TRIM44: variants seen among roughly 807,000 people sequenced by gnomAD.
The protein encoded by TRIM44 is tripartite motif-containing protein 44.
TRIM44 carries 13 observed loss-of-function variants against 37.4 expected under a neutral mutation model. The observed-to-expected ratio is 0.35, with a 90% CI of 0.23 to 0.55. The LOEUF (loss-of-function observed/expected upper bound fraction) is 0.55. Ranked by LOEUF, TRIM44 falls within the 20% of genes least tolerant of loss-of-function variation. The probability of loss-of-function intolerance (pLI) is 0.89; values close to 1 mark genes in which losing one functional copy is unlikely to be tolerated. For missense variants in TRIM44, 426 were observed against 437.2 expected (o/e 0.97, Z 0.23); for synonymous variants, 175 against 157.2 (o/e 1.11, Z -0.85).
At chr11:35,730,524 A>G (rs546592298) in intron 3 of TRIM44, among the ~76,000 whole-genome samples, 17 of 152,354 alleles carry the variant, frequency 1.1e-4, no homozygotes, top group Admixed American at 3.9e-4. Flanking sequence ...TAAGAAATCC[A>G]TAGCCAGACA....
intron 4 of TRIM44, among the ~76,000 whole-genome samples, chr11:35,789,837 C>A (rs1003439218): frequency 6.6e-6 from 1 of 152,142 alleles, no homozygotes; most frequent in Non-Finnish European, 1.5e-5. Context: ...ATCGTAAATA[C>A]ATCTTATGAC....
rs143792918 is a variant in TRIM44, at chr11:35,779,969, C to G, written c.1008-26389C>G. Among the ~76,000 whole-genome samples the G allele has an allele frequency of 2.7e-3, 397 of 148,690 alleles. 3 individuals carry two copies. The highest frequency in any genetic ancestry group is 9.3e-3 in the African/African-American group (374 of 40,366). Reference sequence around the variant, plus strand: ...TATTCTGTTCCATTGATCGGTATGTCTGTTTCAGTATCATTACCATACTGT... The same window carrying G: ...TATTCTGTTCCATTGATCGGTATGTGTGTTTCAGTATCATTACCATACTGT... On this transcript the variant is annotated intron_variant, in intron 4 of 4. Transcript: ENST00000299413.
At chr11:35,694,218 G>A (rs961820733) in intron 2 of TRIM44, among the ~76,000 whole-genome samples, 1 of 152,112 alleles carries the variant, frequency 6.6e-6, no homozygotes, top group Non-Finnish European at 1.5e-5. Context: ...AGAAGAATCC[G>A]CTATAGAGCC....
At chr11:35,726,211 A>C in intron 3 of TRIM44, 48 bp downstream of exon 3, 1 of 1,600,830 alleles carries the variant, frequency 6.2e-7, no homozygotes, top group South Asian at 1.1e-5. Flanking sequence ...ATAGGAGGAA[A>C]CTGATGCCAT....
chr11:35,772,478 C>T (rs892734052), intron 4 of TRIM44, among the ~76,000 whole-genome samples: 4 of 152,204 alleles, frequency 2.6e-5, no homozygotes, highest in African/African-American at 9.6e-5. Context: ...GAGGCTATAC[C>T]CTGCAAAGCC....
At chr11:35,770,842 G>A (rs1371975762) in intron 4 of TRIM44, among the ~76,000 whole-genome samples, 2 of 152,166 alleles carry the variant, frequency 1.3e-5, no homozygotes, top group African/African-American at 2.4e-5. Flanking sequence ...TAAGTCTCAC[G>A]AGATCTTTCA....
Position 35,663,299 on chromosome 11 carries a change from G to C in TRIM44, c.188G>C (p.Gly63Ala). 2 of 1,614,108 alleles carry C rather than the reference G, an allele frequency of 1.2e-6. No homozygotes were observed. The highest frequency in any genetic ancestry group is 1.7e-6 in the Non-Finnish European group (2 of 1,179,994). ...LSHHLAEYVH[G>A]SQAWTPPADG... The stretch of plus-strand genomic sequence containing the variant: ...CACCATCTGGCCGAATACGTCCACG[G>C]CTCCCAGGCCTGGACCCCGCCAGCT... The change falls in exon 1 of 5, where the codon GGC (glycine) becomes GCC (alanine). Residue 63 changes from glycine (G) to alanine (A), a missense_variant. By Grantham distance (60) the Gly-to-Ala change is moderately conservative. Transcript: ENST00000299413.
rs1372530731 is a variant in TRIM44, at chr11:35,817,246, C to T, written c.*10861C>T. ...TCTACCCCAGAATGAGTGTCCAAAGCAGGTGGCACCACCAAAAGGCACCTT... is the reference window on the plus strand; with the variant it reads ...TCTACCCCAGAATGAGTGTCCAAAGTAGGTGGCACCACCAAAAGGCACCTT... On this transcript the variant is annotated 3_prime_UTR_variant, in exon 5 of 5. Coordinates refer to ENST00000299413, the MANE Select transcript of TRIM44 (RefSeq NM_017583.6). 6.6e-6 allele frequency: 1 copy of T among 152,132 alleles called. No homozygotes were observed. The highest frequency in any genetic ancestry group is 2.1e-4 in the South Asian group (1 of 4,824). 9.4% of individuals were successfully genotyped at this position (152,132 alleles called of 1,614,324 possible).
At chr11:35,783,145 A>G (rs901759655) in intron 4 of TRIM44, among the ~76,000 whole-genome samples, 49 of 152,192 alleles carry the variant, frequency 3.2e-4, no homozygotes, top group African/African-American at 1.1e-3. Context: ...CTCATTTTAT[A>G]GAGGTATCTG....
chr11:35,666,159 C>G (rs1851329991), intron 1 of TRIM44, among the ~76,000 whole-genome samples: 1 of 152,144 alleles, frequency 6.6e-6, no homozygotes, highest in Non-Finnish European at 1.5e-5. Flanking sequence ...AAAGCCCTTC[C>G]TTTGTGCACT....
intron 2 of TRIM44, among the ~76,000 whole-genome samples, chr11:35,692,280 T>C (rs1003213988): frequency 6.6e-6 from 1 of 152,164 alleles, no homozygotes; most frequent in Non-Finnish European, 1.5e-5. Flanking sequence ...GCAACCTGGA[T>C]GATTCTCATG....
At chr11:35,801,784 TACCC>T (rs1364553312) in intron 4 of TRIM44, among the ~76,000 whole-genome samples, 1 of 152,052 alleles carries the variant, frequency 6.6e-6, no homozygotes, top group East Asian at 1.9e-4. Flanking sequence ...CCCCATCCCC[TACCC>T]ACAACCAAGA....
intron 2 of TRIM44, among the ~76,000 whole-genome samples, chr11:35,695,992 G>T (rs1237778316): frequency 6.6e-6 from 1 of 151,162 alleles, no homozygotes; most frequent in Non-Finnish European, 1.5e-5. Context: ...GCATTTCAGT[G>T]TTAGAGGAAA....
At chr11:35,756,590 C>G (rs537711484) in intron 4 of TRIM44, among the ~76,000 whole-genome samples, 1 of 152,210 alleles carries the variant, frequency 6.6e-6, no homozygotes, top group South Asian at 2.1e-4. Flanking sequence ...TGCCAGTTTT[C>G]AAAGGGAATG....
chr11:35,706,227 C>T (rs1236404721), intron 2 of TRIM44, among the ~76,000 whole-genome samples: 1 of 149,314 alleles, frequency 6.7e-6, no homozygotes, highest in African/African-American at 2.4e-5. Flanking sequence ...AGTTGAATCT[C>T]TGAATAGACC....
At chr11:35,701,515 C>G (rs1191608008) in intron 2 of TRIM44, among the ~76,000 whole-genome samples, 4 of 152,132 alleles carry the variant, frequency 2.6e-5, no homozygotes, top group Non-Finnish European at 4.4e-5. Context: ...ATGCAGATCT[C>G]AAACCAGAAA....
chr11:35,686,771 T>A (rs756080302), intron 2 of TRIM44, among the ~76,000 whole-genome samples: 22 of 152,164 alleles, frequency 1.4e-4, no homozygotes, highest in Non-Finnish European at 2.6e-4. Context: ...TTGGCCAGGC[T>A]GGTTTCGAAC....
chr11:35,700,956 G>T (rs922678271), intron 2 of TRIM44, among the ~76,000 whole-genome samples: 5 of 152,030 alleles, frequency 3.3e-5, no homozygotes, highest in African/African-American at 1.2e-4. Context: ...TTACACACAC[G>T]ATACATGTAT....
At chr11:35,783,322 G>C (rs1393325867) in intron 4 of TRIM44, among the ~76,000 whole-genome samples, 1 of 152,104 alleles carries the variant, frequency 6.6e-6, no homozygotes, top group Non-Finnish European at 1.5e-5. Context: ...TGTTCTCCCT[G>C]TAGATCCAGC....
Sources: gnomAD v4.1 joint callset for allele counts (sites outside exome capture counted in the v4.1 genomes callset) on GRCh38, gnomAD v4.1.1 for gene constraint, MANE v1.5 for transcripts, NCBI Gene and HGNC (gene_info 2026-07-23, HGNC 2026-07-21) for gene names.